SH3GLB1: variants seen among roughly 807,000 people sequenced by gnomAD.
SH3GLB1 encodes SH3 domain containing GRB2 like, endophilin B1.
SH3GLB1 carries 17 observed loss-of-function variants against 42.0 expected under a neutral mutation model. That is an observed-to-expected ratio of 0.40 (90% CI 0.28 to 0.61). The LOEUF (loss-of-function observed/expected upper bound fraction) is 0.61, where lower values mean the gene tolerates loss of function less well. SH3GLB1 is among the 20% of genes least tolerant of loss of function. The pLI is 0.36. For synonymous variants in SH3GLB1, 132 were observed against 146.6 expected (o/e 0.90, Z 0.72); for missense variants, 355 against 426.3 (o/e 0.83, Z 1.47).
At chr1:86,726,956 TA>T (rs1223425895) in intron 5 of SH3GLB1, among the ~76,000 whole-genome samples, 2 of 152,016 alleles carry the variant, frequency 1.3e-5, no homozygotes, top group South Asian at 4.1e-4. Flanking sequence ...CACGTCTTTA[TA>T]AATTTCCATG....
chr1:86,721,805 C>A (rs984757136), intron 3 of SH3GLB1, among the ~76,000 whole-genome samples: 1 of 152,000 alleles, frequency 6.6e-6, no homozygotes, highest in Admixed American at 6.6e-5. Flanking sequence ...TGGATCCAGG[C>A]CCGCCACCCT....
Position 86,719,442 on chromosome 1 carries a change from A to C in SH3GLB1, c.215-65A>C, listed in dbSNP as rs1005247237. ...ATGATAAATGGCTGCTGATGGGGGA[A>C]AAAAACAATCTTCTAATTAGTTTTG... On this transcript the variant is annotated intron_variant, in intron 2 of 8. Coordinates refer to ENST00000370558, the MANE Select transcript of SH3GLB1 (RefSeq NM_016009.5). The C allele has an allele frequency of 9.7e-5, 144 of 1,477,566 alleles. 4 individuals carry two copies. The Middle Eastern group carries it at 2.2e-3, about 23-fold the overall frequency. The allele number at this position is 1,477,566 out of a possible 1,614,324, so 91.5% of individuals were successfully genotyped here.
intron 5 of SH3GLB1, chr1:86,730,230 A>G: frequency 7.1e-7 from 1 of 1,415,336 alleles, no homozygotes; most frequent in South Asian, 1.6e-5. Context: ...TATACCTTAT[A>G]AAATCTGAAA....
intron 5 of SH3GLB1, among the ~76,000 whole-genome samples, chr1:86,727,044 ACT>A (rs1558318837): frequency 6.6e-6 from 1 of 151,974 alleles, no homozygotes. Context: ...TAATTTACTT[ACT>A]AGTTTCTTGT....
chr1:86,736,548 A>G (rs537832932), intron 7 of SH3GLB1, among the ~76,000 whole-genome samples: 1 of 152,226 alleles, frequency 6.6e-6, no homozygotes, highest in Non-Finnish European at 1.5e-5. Context: ...TAACTATTTT[A>G]AGCCCAAGAA....
chr1:86,720,713 T>A (rs1215511825), intron 3 of SH3GLB1, among the ~76,000 whole-genome samples: 5 of 152,214 alleles, frequency 3.3e-5, no homozygotes, highest in African/African-American at 1.2e-4. Context: ...TAGTTCTGAT[T>A]TACAGAATGG....
chr1:86,742,484 C>G, intron 8 of SH3GLB1, 48 bp downstream of exon 8: 1 of 1,390,712 alleles, frequency 7.2e-7, no homozygotes, highest in Middle Eastern at 1.8e-4. Flanking sequence ...AATTGACATA[C>G]CTTCTAATAT....
chr1:86,724,892 A>AAAAAATATATATATATATATAT (rs1291454820), intron 5 of SH3GLB1, among the ~76,000 whole-genome samples: 1 of 99,686 alleles, frequency 1.0e-5, no homozygotes, highest in Non-Finnish European at 1.8e-5. Flanking sequence ...AAAAAAAAAA[A>AAAAAATATATATATATATATAT]ATATATATAT....
At chr1:86,730,995 G>A (rs1201988866) in intron 5 of SH3GLB1, among the ~76,000 whole-genome samples, 3 of 152,172 alleles carry the variant, frequency 2.0e-5, no homozygotes, top group Non-Finnish European at 2.9e-5. Flanking sequence ...AGTTGGATTT[G>A]TTGTTTTTCG....
chr1:86,728,394 G>A, intron 5 of SH3GLB1: 2 of 1,503,350 alleles, frequency 1.3e-6, no homozygotes, highest in Non-Finnish European at 1.8e-6. Flanking sequence ...CTCTTACTAT[G>A]CACTTAAGCA....
intron 5 of SH3GLB1, among the ~76,000 whole-genome samples, chr1:86,725,031 C>T (rs440018): frequency 0.33 from 47,580 of 146,338 alleles, 10,125 homozygotes; most frequent in African/African-American, 0.62. Context: ...AGCTATATAG[C>T]TGCTGCTAAA....
rs149993683 is a variant in SH3GLB1, at chr1:86,708,900, A to G, written c.72+3929A>G. 5.7e-3 allele frequency among the ~76,000 whole-genome samples: 869 copies of G among 152,206 alleles called. 7 individuals are homozygous for G. Among genetic ancestry groups the G allele is most frequent in the African/African-American group, 0.02 (810 of 41,522 alleles). ...TTCTACTTATTTTAGGCTTTTGTTC[A>G]TATGGTTAGACTCCTCTTAAGTGTC... On this transcript the variant is annotated intron_variant, in intron 1 of 8. Transcript: ENST00000370558.
rs115278337 is a variant in SH3GLB1, at chr1:86,733,091, C to T, written c.571-1511C>T. Among the ~76,000 whole-genome samples the T allele has an allele frequency of 2.6e-3, 402 of 152,224 alleles. 1 individual carries two copies. The highest frequency in any genetic ancestry group is 9.5e-3 in the African/African-American group (396 of 41,542). ...GCTCTCCTTAGGAAGAACATTGCTT[C>T]TTTTTTTCTTCTGGGACTTTTTTCT... On this transcript the variant is annotated intron_variant, in intron 5 of 8. Coordinates refer to ENST00000370558, the MANE Select transcript of SH3GLB1 (RefSeq NM_016009.5).
rs11161879 is a variant in SH3GLB1 at position 86,707,377 on chromosome 1, A to G, written c.72+2406A>G. Among the ~76,000 whole-genome samples, 1,115 of 152,338 alleles carry G rather than the reference A, an allele frequency of 7.3e-3. 14 individuals carry two copies. Among genetic ancestry groups the G allele is most frequent in the African/African-American group, 0.025 (1,055 of 41,572 alleles). The stretch of plus-strand genomic sequence containing the variant: ...GGAGACCAATGAAGGAGCTGTGGCC[A>G]TAATACACGTAAAAGGCGATTGTAA... On this transcript the variant is annotated intron_variant, in intron 1 of 8. Coordinates refer to ENST00000370558, the MANE Select transcript of SH3GLB1 (RefSeq NM_016009.5).
chr1:86,747,778 T>G lies in SH3GLB1; in HGVS notation c.*4543T>G, dbSNP rs1278554466. 1 of 152,254 alleles carries G rather than the reference T, an allele frequency of 6.6e-6. No homozygotes were observed. Among genetic ancestry groups the G allele is most frequent in the Non-Finnish European group, 1.5e-5 (1 of 68,044 alleles). The allele number at this position is 152,254 out of a possible 1,614,324, so 9.4% of individuals were successfully genotyped here. On this transcript the variant is annotated 3_prime_UTR_variant, in exon 9 of 9. Coordinates refer to ENST00000370558, the MANE Select transcript of SH3GLB1 (RefSeq NM_016009.5). ...ACCATGTGTACATCCCTGTGCCTCT[T>G]AGATTGCTAAGTTCTGCTCTCATTC...
At chr1:86,735,355 T>C (rs758467004) in intron 7 of SH3GLB1, among the ~76,000 whole-genome samples, 176 bp downstream of exon 7, 2 of 152,200 alleles carry the variant, frequency 1.3e-5, no homozygotes, top group Non-Finnish European at 2.9e-5. Flanking sequence ...TTTTGAGCTT[T>C]TCTGGCACAG....
Position 86,736,324 on chromosome 1 carries a change from G to A in SH3GLB1, c.761+1145G>A, listed in dbSNP as rs149911071. Among the ~76,000 whole-genome samples the A allele has an allele frequency of 1.1e-3, 169 of 152,262 alleles. 1 individual carries two copies. The highest frequency in any genetic ancestry group is 3.9e-3 in the African/African-American group (162 of 41,540). On this transcript the variant is annotated intron_variant, in intron 7 of 8. Transcript: ENST00000370558. ...GAATAAGGTAAATAAAGTCACTTTG[G>A]TGTTTGTTTCTGCACATTAACACTT...
chr1:86,724,256 G>T, intron 4 of SH3GLB1, 57 bp from the exon 5 acceptor site: 1 of 1,207,130 alleles, frequency 8.3e-7, no homozygotes, highest in African/African-American at 1.5e-5. Flanking sequence ...AAATGTGTAT[G>T]CTCTTAACAG....
chr1:86,734,778 T>G, intron 6 of SH3GLB1, 87 bp downstream of exon 6: 4 of 871,842 alleles, frequency 4.6e-6, no homozygotes, highest in Non-Finnish European at 7.4e-6. Context: ...AACTTTTCAG[T>G]CATTCATCAA....
Sources: gnomAD v4.1 joint callset for allele counts (sites outside exome capture counted in the v4.1 genomes callset) on GRCh38, gnomAD v4.1.1 for gene constraint, MANE v1.5 for transcripts, NCBI Gene and HGNC (gene_info 2026-07-23, HGNC 2026-07-21) for gene names.